The following RBKS variants were observed in gnomAD, a reference collection of about 807,000 sequenced individuals.
RBKS encodes ribokinase.
Under a neutral mutation model 33.9 loss-of-function variants are expected in RBKS, and 33 were observed. That is an observed-to-expected ratio of 0.97 (90% CI 0.74 to 1.30). RBKS has a LOEUF of 1.30. RBKS is among the 50% of genes most tolerant of loss of function. RBKS has a pLI of 0.00. For missense variants in RBKS, 361 were observed against 392.6 expected, an observed-to-expected ratio of 0.92 and a Z score of 0.68; for synonymous variants, 125 against 143.0, an observed-to-expected ratio of 0.87 and a Z score of 0.90.
intron 7 of RBKS, among the ~76,000 whole-genome samples, chr2:27,807,062 A>C (rs1262561777): frequency 6.6e-6 from 1 of 152,208 alleles, no homozygotes; most frequent in Non-Finnish European, 1.5e-5. Context: ...GGCAACTGTA[A>C]AGAACAAGAT....
intron 7 of RBKS, among the ~76,000 whole-genome samples, chr2:27,789,925 G>GTATATGTGTATATA (rs1677480958): frequency 1.3e-4 from 17 of 130,622 alleles, no homozygotes; most frequent in African/African-American, 4.9e-4. Flanking sequence ...GTTTGTGTGT[G>GTATATGTGTATATA]TATATATATA....
rs1356859978 is a variant in RBKS, at chr2:27,837,895, C to T, written c.515-5118G>A. ...GCTCCCTACCTGGGCGCAATACTCC[C>T]ATGTAACAAATCTGCATATGAAGGC... On this transcript the variant is annotated intron_variant, in intron 5 of 7. Transcript: ENST00000302188. This position sits in a 1 kb window ranked among gnomAD's most constrained non-coding sequence, Gnocchi z 4.0. Among the ~76,000 whole-genome samples, 1 of 152,094 alleles carries T rather than the reference C, an allele frequency of 6.6e-6. No individual in the cohort carries two copies. The highest frequency in any genetic ancestry group is 2.4e-5 in the African/African-American group (1 of 41,420).
rs1160682556 is a variant in RBKS, at chr2:27,843,059, A to G, written c.514+8T>C. On this transcript the variant is annotated splice_region_variant and intron_variant, in intron 5 of 7. Coordinates refer to ENST00000302188, the MANE Select transcript of RBKS (RefSeq NM_022128.3). ...TTTATAGAAAGAATGACAAATATGT[A>G]TAATTACCTCCACTCCTGCGGGCCA... 1.3e-6 allele frequency: 2 copies of G among 1,564,602 alleles called. No individual in the cohort carries two copies. The highest frequency in any genetic ancestry group is 1.4e-5 in the African/African-American group (1 of 72,692).
intron 4 of RBKS, 65 bp from the exon 5 acceptor site, chr2:27,843,296 G>A: frequency 1.6e-6 from 2 of 1,234,624 alleles, no homozygotes; most frequent in Non-Finnish European, 2.3e-6. Flanking sequence ...ATTCTGCAGT[G>A]TTATGAATAC....
intron 1 of RBKS, among the ~76,000 whole-genome samples, chr2:27,878,530 C>A (rs1433573669): frequency 4.6e-5 from 7 of 151,786 alleles, no homozygotes; most frequent in African/African-American, 1.5e-4. Context: ...ATTTATAGTC[C>A]TTTGGATATA....
Position 27,785,300 on chromosome 2 carries a change from A to G in RBKS, c.796-3512T>C, listed in dbSNP as rs571514809. Among the ~76,000 whole-genome samples the G allele has an allele frequency of 5.3e-5, 8 of 152,336 alleles. No individual in the cohort carries two copies. The South Asian group carries it at 1.4e-3, about 28-fold the overall frequency. ...AGTGAAAAAGTACAGATTTGGTGAA[A>G]ATCCTTGCAATACATGTAACATATC... On this transcript the variant is annotated intron_variant, in intron 7 of 7. Coordinates refer to ENST00000302188, the MANE Select transcript of RBKS (RefSeq NM_022128.3).
At chr2:27,869,473 C>T (rs193271087) in intron 1 of RBKS, among the ~76,000 whole-genome samples, 1 of 152,162 alleles carries the variant, frequency 6.6e-6, no homozygotes, top group Non-Finnish European at 1.5e-5. Context: ...GCTTAATGTT[C>T]TGTGGTATTC....
At chr2:27,805,049 G>A (rs1181566865) in intron 7 of RBKS, among the ~76,000 whole-genome samples, 1 of 151,864 alleles carries the variant, frequency 6.6e-6, no homozygotes, top group Non-Finnish European at 1.5e-5. Context: ...TGTTTGTAAA[G>A]GCTAATCTCT....
At chr2:27,879,628 G>A (rs77841344) in intron 1 of RBKS, among the ~76,000 whole-genome samples, 2,143 of 152,074 alleles carry the variant, frequency 0.014, 27 homozygotes, top group Middle Eastern at 0.031. Context: ...ATTTCTGTTC[G>A]TTGCAAATTA....
intron 7 of RBKS, among the ~76,000 whole-genome samples, chr2:27,813,729 A>C (rs1357049239): frequency 6.6e-6 from 1 of 152,148 alleles, no homozygotes; most frequent in Non-Finnish European, 1.5e-5. Flanking sequence ...CCCAGAGAAA[A>C]TAGGGGAAAG....
intron 7 of RBKS, among the ~76,000 whole-genome samples, chr2:27,820,218 A>G (rs1678172746): frequency 6.6e-6 from 1 of 152,204 alleles, no homozygotes; most frequent in South Asian, 2.1e-4. Context: ...AAAAACTCAA[A>G]TAATTCAGTA....
chr2:27,824,186 C>T (rs1678268695), intron 7 of RBKS, among the ~76,000 whole-genome samples: 1 of 152,160 alleles, frequency 6.6e-6, no homozygotes, highest in East Asian at 1.9e-4. Flanking sequence ...TTTCAAGGTG[C>T]ATCCATGTCA....
intron 1 of RBKS, among the ~76,000 whole-genome samples, chr2:27,863,275 C>A (rs1265533857): frequency 6.6e-6 from 1 of 152,232 alleles, no homozygotes; most frequent in Non-Finnish European, 1.5e-5. Flanking sequence ...TACATGGCCC[C>A]AGTCTTCCCT....
At chr2:27,821,896 G>C (rs1214819170) in intron 7 of RBKS, among the ~76,000 whole-genome samples, 1 of 152,122 alleles carries the variant, frequency 6.6e-6, no homozygotes, top group African/African-American at 2.4e-5. Flanking sequence ...TACCCACCCA[G>C]CCCTTTCTCA....
At chr2:27,874,778 A>C (rs1052321976) in intron 1 of RBKS, among the ~76,000 whole-genome samples, 1 of 152,186 alleles carries the variant, frequency 6.6e-6, no homozygotes, top group African/African-American at 2.4e-5. Flanking sequence ...AAAAACAAAA[A>C]TTGATGCCTG....
intron 7 of RBKS, among the ~76,000 whole-genome samples, chr2:27,789,433 C>T (rs954323056): frequency 6.9e-5 from 10 of 145,578 alleles, no homozygotes; most frequent in Non-Finnish European, 1.3e-4. Context: ...AGGTCTCACT[C>T]TGTTGCCCAG....
intron 7 of RBKS, among the ~76,000 whole-genome samples, chr2:27,821,482 T>C (rs1348876583): frequency 6.6e-6 from 1 of 152,182 alleles, no homozygotes; most frequent in African/African-American, 2.4e-5. Context: ...TGACTATGCA[T>C]AGAAAAAAAT....
At chr2:27,878,658 G>C (rs1486637099) in intron 1 of RBKS, among the ~76,000 whole-genome samples, 3 of 152,088 alleles carry the variant, frequency 2.0e-5, no homozygotes, top group Non-Finnish European at 4.4e-5. Flanking sequence ...CAGTGTAAAA[G>C]TGTTTCTATT....
At chr2:27,861,332 G>A (rs946704760) in intron 1 of RBKS, 3 of 396,624 alleles carry the variant, frequency 7.6e-6, no homozygotes, top group Non-Finnish European at 1.6e-5. Context: ...ATGAGGATGT[G>A]GAGGTGTTGA....
Sources: gnomAD v4.1 joint callset for allele counts (sites outside exome capture counted in the v4.1 genomes callset) on GRCh38, gnomAD v4.1.1 for gene constraint, Gnocchi (gnomAD v3.1) non-coding constraint, MANE v1.5 for transcripts, NCBI Gene and HGNC (gene_info 2026-07-23, HGNC 2026-07-21) for gene names.